Variants in RFX3 observed in about 807,000 individuals in gnomAD.
The protein encoded by RFX3 is transcription factor RFX3.
A neutral mutation model predicts 98.6 loss-of-function variants in RFX3; 14 were observed. The observed-to-expected ratio is 0.14, with a 90% confidence interval of 0.09 to 0.22. The LOEUF is 0.22. Ranked by LOEUF, RFX3 falls within the 10% of genes least tolerant of loss-of-function variation. The pLI, the probability that RFX3 is intolerant of heterozygous loss-of-function variation, is 1.00. For synonymous variants in RFX3, 383 were observed against 328.4 expected, an observed-to-expected ratio of 1.17 and a Z score of -1.80; for missense variants, 639 against 926.9, an observed-to-expected ratio of 0.69 and a Z score of 4.03.
At chr9:3,319,138 C>T (rs183370186) in intron 4 of RFX3, among the ~76,000 whole-genome samples, 2 of 152,336 alleles carry the variant, frequency 1.3e-5, no homozygotes, top group Non-Finnish European at 2.9e-5. Flanking sequence ...AACATTTTCA[C>T]TTTGTAGTTA....
At chr9:3,394,978 A>G (rs1295184440) in intron 2 of RFX3, 5 of 313,888 alleles carry the variant, frequency 1.6e-5, no homozygotes, top group South Asian at 2.5e-4. Flanking sequence ...AGATTATTCT[A>G]TTTTCATTCA....
At chr9:3,452,356 C>A in intron 1 of RFX3, 1 of 328,026 alleles carries the variant, frequency 3.0e-6, no homozygotes, top group South Asian at 2.4e-5. Context: ...TTTGGGAGGC[C>A]AAGGCAGGAG....
At chr9:3,373,833 C>CT (rs1403997169) in intron 2 of RFX3, among the ~76,000 whole-genome samples, 4 of 152,136 alleles carry the variant, frequency 2.6e-5, no homozygotes, top group Middle Eastern at 3.2e-3. Context: ...AATCCCAGCA[C>CT]TTTGGGAGGC....
At chr9:3,388,585 C>A (rs181239939) in intron 2 of RFX3, among the ~76,000 whole-genome samples, 2 of 152,034 alleles carry the variant, frequency 1.3e-5, no homozygotes, top group East Asian at 1.9e-4. Context: ...TCTATCTAGG[C>A]AATTTATAGA....
intron 2 of RFX3, among the ~76,000 whole-genome samples, chr9:3,368,771 C>G (rs1837493553): frequency 6.6e-6 from 1 of 152,088 alleles, no homozygotes; most frequent in Non-Finnish European, 1.5e-5. Context: ...AGAATGACTC[C>G]TAAGTACTGT....
intron 1 of RFX3, among the ~76,000 whole-genome samples, chr9:3,408,636 G>A (rs987329288): frequency 5.6e-4 from 82 of 147,590 alleles, no homozygotes; most frequent in Admixed American, 1.1e-3. Flanking sequence ...ACACACACAC[G>A]CACGCACACA....
chr9:3,324,013 TC>T, intron 4 of RFX3: 1 of 448,844 alleles, frequency 2.2e-6, no homozygotes, highest in Non-Finnish European at 4.7e-6. Flanking sequence ...CCCAGAACCT[TC>T]AGTCAATTTA....
intron 1 of RFX3, among the ~76,000 whole-genome samples, chr9:3,411,188 G>GA (rs1424127705): frequency 6.6e-6 from 1 of 152,096 alleles, no homozygotes; most frequent in Admixed American, 6.6e-5. Flanking sequence ...ATTTGCATAT[G>GA]AAAATTATAT....
chr9:3,524,584 T>C, intron 1 of RFX3: 1 of 977,216 alleles, frequency 1.0e-6, no homozygotes, highest in Non-Finnish European at 1.2e-6. Flanking sequence ...TAAAGTACCA[T>C]AACTGTCACA....
At chr9:3,255,769 G>A (rs1409183149) in intron 14 of RFX3, among the ~76,000 whole-genome samples, 1 of 152,156 alleles carries the variant, frequency 6.6e-6, no homozygotes, top group Non-Finnish European at 1.5e-5. Context: ...TATATGTCAT[G>A]TAATCAGAAA....
intron 2 of RFX3, among the ~76,000 whole-genome samples, chr9:3,365,878 C>T (rs959585569): frequency 6.6e-6 from 1 of 151,980 alleles, no homozygotes. Context: ...AACTGCCACA[C>T]ACACAGCCTC....
intron 13 of RFX3, among the ~76,000 whole-genome samples, chr9:3,260,229 T>C (rs1439142345): frequency 1.3e-5 from 2 of 152,012 alleles, no homozygotes; most frequent in African/African-American, 2.4e-5. Flanking sequence ...CCGAATCATA[T>C]GGGTTTCAGG....
chr9:3,474,038 G>A (rs956787101), intron 1 of RFX3, among the ~76,000 whole-genome samples: 1 of 152,176 alleles, frequency 6.6e-6, no homozygotes, highest in Non-Finnish European at 1.5e-5. Flanking sequence ...TAAAACCAAA[G>A]AATTTGCATG....
intron 1 of RFX3, chr9:3,524,516 C>A: frequency 1.0e-6 from 1 of 980,076 alleles, no homozygotes; most frequent in Non-Finnish European, 1.2e-6. Flanking sequence ...TCTTTATGAA[C>A]TTGACTTGAA....
chr9:3,420,799 C>T, intron 1 of RFX3: 2 of 985,234 alleles, frequency 2.0e-6, no homozygotes, highest in South Asian at 4.7e-5. Flanking sequence ...TCCATTCATT[C>T]CTGGTTCTTT....
intron 2 of RFX3, among the ~76,000 whole-genome samples, chr9:3,358,108 C>T (rs953893869): frequency 6.6e-6 from 1 of 151,830 alleles, no homozygotes; most frequent in Non-Finnish European, 1.5e-5. Context: ...ATATTAGGGT[C>T]GTCAGTTATT....
intron 14 of RFX3, among the ~76,000 whole-genome samples, chr9:3,251,536 T>A (rs1302119808): frequency 2.0e-5 from 3 of 152,064 alleles, no homozygotes; most frequent in Non-Finnish European, 4.4e-5. Flanking sequence ...TCTCACTATG[T>A]TGCCCAGGCT....
intron 1 of RFX3, among the ~76,000 whole-genome samples, chr9:3,454,731 A>C (rs186041891): frequency 3.3e-4 from 50 of 152,350 alleles, no homozygotes; most frequent in Non-Finnish European, 5.1e-4. Flanking sequence ...GCTATTATTG[A>C]CTATTTTTTT....
At chr9:3,524,824 C>G (rs1394336643) in intron 1 of RFX3, among the ~76,000 whole-genome samples, 2 of 88,418 alleles carry the variant, frequency 2.3e-5, no homozygotes, top group African/African-American at 9.6e-5. Context: ...GTTTAAATCA[C>G]AAGCACACAC....
Sources: gnomAD v4.1 joint callset for allele counts (sites outside exome capture counted in the v4.1 genomes callset) on GRCh38, gnomAD v4.1.1 for gene constraint, MANE v1.5 for transcripts, NCBI Gene and HGNC (gene_info 2026-07-23, HGNC 2026-07-21) for gene names.